SORCS3: variants seen among roughly 807,000 people sequenced by gnomAD.
SORCS3 encodes sortilin related VPS10 domain containing receptor 3.
A neutral mutation model predicts 146.3 loss-of-function variants in SORCS3; 57 were observed. The observed-to-expected ratio is 0.39, with a 90% CI of 0.31 to 0.49. SORCS3 has a LOEUF of 0.49. Among genes scored for constraint, SORCS3 ranks in the 20% least tolerant of loss-of-function variants. The pLI is 0.92. For missense variants in SORCS3, 1,341 were observed against 1,575.5 expected (o/e 0.85, Z 2.52); for synonymous variants, 653 against 618.5 (o/e 1.06, Z -0.83).
chr10:105,047,162 A>T (rs945229269), intron 5 of SORCS3, among the ~76,000 whole-genome samples: 1 of 151,944 alleles, frequency 6.6e-6, no homozygotes, highest in African/African-American at 2.4e-5. Context: ...TTGCACATCC[A>T]ATGTGAATAC....
At chr10:105,026,885 C>A (rs2791459) in intron 4 of SORCS3, among the ~76,000 whole-genome samples, 68,253 of 151,948 alleles carry the variant, frequency 0.45, 16,210 homozygotes, top group African/African-American at 0.6. Flanking sequence ...TGCTATGCTC[C>A]CTGCTTGGGT....
intron 1 of SORCS3, among the ~76,000 whole-genome samples, chr10:104,793,632 T>C (rs975519891): frequency 1.3e-5 from 2 of 152,206 alleles, no homozygotes; most frequent in African/African-American, 2.4e-5. Context: ...ATATGGCTTT[T>C]AGTATTTTTC....
chr10:104,940,238 A>ATATATATATATTTTT (rs1435205868), intron 3 of SORCS3, among the ~76,000 whole-genome samples: 9 of 31,518 alleles, frequency 2.9e-4, no homozygotes, highest in East Asian at 2.1e-3. Flanking sequence ...ATATATATAT[A>ATATATATATATTTTT]TTTTTTTTTT....
chr10:105,001,028 TTATC>T (rs1358360283), intron 4 of SORCS3, among the ~76,000 whole-genome samples: 2 of 152,224 alleles, frequency 1.3e-5, no homozygotes, highest in Non-Finnish European at 2.9e-5. Context: ...GAATTATACT[TTATC>T]TATTAGATCA....
At chr10:104,693,381 C>T (rs893878697) in intron 1 of SORCS3, among the ~76,000 whole-genome samples, 1 of 152,058 alleles carries the variant, frequency 6.6e-6, no homozygotes, top group Non-Finnish European at 1.5e-5. Flanking sequence ...AGAGAGTATC[C>T]GAGAGATGAC....
chr10:104,659,989 G>T (rs947341643), intron 1 of SORCS3, among the ~76,000 whole-genome samples: 3 of 152,200 alleles, frequency 2.0e-5, no homozygotes, highest in Non-Finnish European at 4.4e-5. Context: ...CCTGCACAGT[G>T]GGGGACACTC....
Position 104,663,536 on chromosome 10 carries a change from ATGT to A in SORCS3, c.627+21587_627+21589del, listed in dbSNP as rs540905408. ...CCTCTCTCCGCATGGCATCTCTGAT[ATGT>A]TGTTATGTGGTGGCTCCCTCGCTCC... On this transcript the variant is annotated intron_variant, in intron 1 of 26. Coordinates refer to ENST00000369701, the MANE Select transcript of SORCS3 (RefSeq NM_014978.3). Among the ~76,000 whole-genome samples, 158 of 152,202 alleles carry A rather than the reference ATGT, an allele frequency of 1.0e-3. 2 individuals are homozygous for A. The highest frequency in any genetic ancestry group is 3.6e-3 in the African/African-American group (148 of 41,532).
At chr10:104,710,168 A>G (rs559601044) in intron 1 of SORCS3, among the ~76,000 whole-genome samples, 3 of 152,292 alleles carry the variant, frequency 2.0e-5, no homozygotes, top group South Asian at 2.1e-4. Context: ...AAGACAGCCA[A>G]CGTCTTCCCA....
Position 105,158,964 on chromosome 10 carries a change from G to A in SORCS3, c.1702G>A (p.Glu568Lys), listed in dbSNP as rs868756728. The A allele has an allele frequency of 1.9e-6, 3 of 1,612,874 alleles. No individual in the cohort carries two copies. The highest frequency in any genetic ancestry group is 2.7e-5 in the African/African-American group (2 of 74,890). The change falls in exon 11 of 27, where the codon GAG becomes AAG. Residue 568 changes from glutamate to lysine, a missense_variant. Physicochemically the swap from Glu to Lys is moderately conservative, Grantham distance 56. Coordinates refer to ENST00000369701, the MANE Select transcript of SORCS3 (RefSeq NM_014978.3). Reference protein sequence around the residue: ...PYSSGRISSKETAPGLVVATG... With the variant: ...PYSSGRISSKKTAPGLVVATG... ...TTCCTCAGGAAGAATCTCTAGCAAG[G>A]AGACAGCCCCAGGACTTGTGGTGGC...
chr10:105,116,965 C>A lies in SORCS3; in HGVS notation c.1212+11450C>A, dbSNP rs78103299. 2.4e-3 allele frequency among the ~76,000 whole-genome samples: 359 copies of A among 152,100 alleles called. 1 individual carries two copies. Among genetic ancestry groups the A allele is most frequent in the African/African-American group, 8.4e-3 (348 of 41,474 alleles). On this transcript the variant is annotated intron_variant, in intron 7 of 26. Transcript: ENST00000369701. ...CTTATTACCTGGGTGACAAAATAAT[C>A]TGTACACCAAATACCCATGACATAC...
At chr10:105,107,668 G>C (rs1443725218) in intron 7 of SORCS3, among the ~76,000 whole-genome samples, 1 of 152,162 alleles carries the variant, frequency 6.6e-6, no homozygotes, top group Admixed American at 6.5e-5. Flanking sequence ...GAGGTCCCCT[G>C]TTCTAGGTGC....
intron 24 of SORCS3, 62 bp downstream of exon 24, chr10:105,255,863 A>G (rs2056928549): frequency 1.1e-5 from 15 of 1,348,554 alleles, no homozygotes; most frequent in Non-Finnish European, 1.6e-5. Context: ...AGAGAAAAGG[A>G]GGAGAGAATC....
chr10:104,842,556 T>C (rs903772152), intron 1 of SORCS3, among the ~76,000 whole-genome samples: 2 of 152,164 alleles, frequency 1.3e-5, no homozygotes, highest in African/African-American at 4.8e-5. Context: ...ATGTTTTATT[T>C]CAAATGCAAG....
rs778879126 is a variant in SORCS3, at chr10:105,105,433, C to T, written c.1130C>T (p.Ala377Val). 1 of 1,613,650 alleles carries T rather than the reference C, an allele frequency of 6.2e-7. No individual in the cohort carries two copies. Among genetic ancestry groups the T allele is most frequent in the South Asian group, 1.1e-5 (1 of 91,070 alleles). Residue 377 changes from alanine to valine, a missense_variant, in exon 7 of 27, where the codon GCC (alanine) becomes GTC (valine). Physicochemically the swap from Ala to Val is moderately conservative, Grantham distance 64 (BLOSUM62 0). Transcript: ENST00000369701. The part of the protein sequence containing the change: ...HYLTCRIQEC[A>V]ETTRSGPFAR... ...CTCACCTGCAGGATCCAGGAATGTG[C>T]CGAGACAACTAGAAGTGGGCCTTTT...
At chr10:105,160,104 C>T (rs934129458) in intron 11 of SORCS3, among the ~76,000 whole-genome samples, 3 of 152,092 alleles carry the variant, frequency 2.0e-5, no homozygotes, top group African/African-American at 7.2e-5. Flanking sequence ...TCAAGGGCTG[C>T]GGGACCCTAT....
intron 1 of SORCS3, among the ~76,000 whole-genome samples, chr10:104,751,941 A>ATG (rs1439728666): frequency 9.5e-6 from 1 of 105,798 alleles, no homozygotes; most frequent in Non-Finnish European, 1.8e-5. Flanking sequence ...ATATATATAT[A>ATG]TATATATATA....
intron 6 of SORCS3, among the ~76,000 whole-genome samples, chr10:105,092,761 C>A (rs1219151075): frequency 6.6e-6 from 1 of 151,976 alleles, no homozygotes; most frequent in African/African-American, 2.4e-5. Context: ...TAGGAAAAAA[C>A]AAACAAACAA....
chr10:105,208,530 G>A (rs1486033212), intron 16 of SORCS3, among the ~76,000 whole-genome samples: 1 of 151,474 alleles, frequency 6.6e-6, no homozygotes, highest in Non-Finnish European at 1.5e-5. Context: ...CAGAACTGGG[G>A]AGAGATAGCT....
chr10:105,196,841 T>G (rs973003540), intron 14 of SORCS3, among the ~76,000 whole-genome samples: 4 of 152,102 alleles, frequency 2.6e-5, no homozygotes, highest in Admixed American at 6.6e-5. Context: ...TGTAACAAAT[T>G]TAGTGGCTTA....
Sources: gnomAD v4.1 joint callset for allele counts (sites outside exome capture counted in the v4.1 genomes callset) on GRCh38, gnomAD v4.1.1 for gene constraint, MANE v1.5 for transcripts, NCBI Gene and HGNC (gene_info 2026-07-23, HGNC 2026-07-21) for gene names.